Variants in POP4 observed in about 807,000 individuals in gnomAD.
The protein encoded by POP4 is ribonuclease P protein subunit p29.
POP4 carries 31 observed loss-of-function variants against 29.9 expected under a neutral mutation model. That is an observed-to-expected ratio of 1.04 (90% CI 0.78 to 1.40). POP4 has a LOEUF of 1.40. POP4 is among the 40% of genes most tolerant of loss of function. The pLI is 0.00. For synonymous variants in POP4, 110 were observed against 108.2 expected, an observed-to-expected ratio of 1.02 and a Z score of -0.10; for missense variants, 286 against 282.7, an observed-to-expected ratio of 1.01 and a Z score of -0.08.
chr19:29,609,109 G>T, intron 2 of POP4: 1 of 161,478 alleles, frequency 6.2e-6, no homozygotes, highest in South Asian at 1.8e-4. Flanking sequence ...TGCTTTGTCA[G>T]TTTTGCAAAA....
At chr19:29,607,262 C>A (rs1383427006) in intron 1 of POP4, among the ~76,000 whole-genome samples, 3 of 139,246 alleles carry the variant, frequency 2.2e-5, no homozygotes, top group South Asian at 2.4e-4. Context: ...CATAGCGAGA[C>A]CCTGTCTCTA....
In POP4 at chr19:29,608,750, G is replaced by A. The variant is rs1006045240; in HGVS notation, c.60+41G>A. ...GGAGTCCAGGAGCAACAGAGGTGAT[G>A]GCAAAGATGGCTCAGTAGCTTCTGA... On this transcript the variant is annotated intron_variant, in intron 2 of 6. Coordinates refer to ENST00000585603, the MANE Select transcript of POP4 (RefSeq NM_006627.3). 6.4e-6 allele frequency: 10 copies of A among 1,574,142 alleles called. No homozygotes were observed. The African/African-American group carries it at 8.1e-5, about 13-fold the overall frequency.
intron 6 of POP4, among the ~76,000 whole-genome samples, chr19:29,614,772 G>A (rs1266900816): frequency 6.6e-6 from 1 of 152,156 alleles, no homozygotes; most frequent in Non-Finnish European, 1.5e-5. Flanking sequence ...CTAAAGTGCT[G>A]GGATTATAGG....
rs917603286 is a variant in POP4 at position 29,611,729 on chromosome 19, G to A, written c.285-133G>A. On this transcript the variant is annotated intron_variant, in intron 3 of 6. Coordinates refer to ENST00000585603, the MANE Select transcript of POP4 (RefSeq NM_006627.3). ...TCGGTTATCAGCTCAATTGCTCATC[G>A]TCGGATTTGCACATAGTTCCTAATG... 23 of 720,880 alleles carry A rather than the reference G, an allele frequency of 3.2e-5. No homozygotes were observed. In the South Asian group the frequency reaches 3.3e-4, roughly 10 times the overall value. 44.7% of individuals were successfully genotyped at this position (720,880 alleles called of 1,614,324 possible). A position where few individuals can be genotyped will look rare whatever the true frequency, so the allele number is the denominator to read the frequency against.
rs944567793 is a variant in POP4 at position 29,616,206 on chromosome 19, T to C, written c.*826T>C. ...ACGCCCTTTGATATCTTCGCCATTT[T>C]TGCTGCTGAAAGACTTGGCTTTTCA... On this transcript the variant is annotated 3_prime_UTR_variant, in exon 7 of 7. Transcript: ENST00000585603. 1 of 152,244 alleles carries C rather than the reference T, an allele frequency of 6.6e-6. No individual in the cohort carries two copies. The highest frequency in any genetic ancestry group is 6.5e-5 in the Admixed American group (1 of 15,284). The allele number at this position is 152,244 out of a possible 1,614,324, so 9.4% of individuals were successfully genotyped here. A position where few individuals can be genotyped will look rare whatever the true frequency, so the allele number is the denominator to read the frequency against.
At chr19:29,610,974 G>A (rs550278307) in intron 3 of POP4, 124 of 252,136 alleles carry the variant, frequency 4.9e-4, no homozygotes, top group Non-Finnish European at 8.3e-4. Context: ...TTTTGATAGA[G>A]CCAGACAGTC....
At chr19:29,612,247 G>A in intron 5 of POP4, 69 bp downstream of exon 5, 1 of 1,407,832 alleles carries the variant, frequency 7.1e-7, no homozygotes, top group Non-Finnish European at 9.7e-7. Flanking sequence ...TGGAGACCCA[G>A]GGCGTGTGTT....
rs753589513 is a variant in POP4 at position 29,614,503 on chromosome 19, A to ATTTT, written c.526+533_526+536dup. On this transcript the variant is annotated intron_variant, in intron 6 of 6. Coordinates refer to ENST00000585603, the MANE Select transcript of POP4 (RefSeq NM_006627.3). Reference sequence around the variant, plus strand: ...ATAGTTAGAAGGTTTTGTTCCTTTAATTTTTCTTTTTTTTTTTTTTGGAGA... The same window carrying ATTTT: ...ATAGTTAGAAGGTTTTGTTCCTTTAATTTTTTTTTCTTTTTTTTTTTTTTGGAGA... Among the ~76,000 whole-genome samples, 3 of 83,616 alleles carry ATTTT rather than the reference A, an allele frequency of 3.6e-5. 1 individual carries two copies. The highest frequency in any genetic ancestry group is 4.9e-5 in the African/African-American group (1 of 20,244). 54.9% of individuals were successfully genotyped at this position (83,616 alleles called of 152,430 possible). A position where few individuals can be genotyped will look rare whatever the true frequency, so the allele number is the denominator to read the frequency against.
At chr19:29,611,815 C>A in intron 3 of POP4, 47 bp from the exon 4 acceptor site, 1 of 1,511,410 alleles carries the variant, frequency 6.6e-7, no homozygotes, top group Admixed American at 1.7e-5. Context: ...ATTGTCATCC[C>A]AAGCTCATGT....
intron 6 of POP4, among the ~76,000 whole-genome samples, chr19:29,614,181 C>T (rs1020401942): frequency 3.3e-5 from 5 of 152,216 alleles, no homozygotes; most frequent in Admixed American, 6.5e-5. Context: ...CCTGCAACCC[C>T]GGCCAGAAAT....
intron 5 of POP4, 132 bp downstream of exon 5, chr19:29,612,310 C>T: frequency 1.2e-6 from 1 of 855,722 alleles, no homozygotes; most frequent in African/African-American, 1.7e-5. Flanking sequence ...CCCCAGTCAC[C>T]ATCATCCCCA....
In POP4 at chr19:29,608,971, C is replaced by A. The variant is rs116039311; in HGVS notation, c.60+262C>A. ...TTATCATTTCCCACTGTGTTGGGGA[C>A]ACCAGGCTGTGCCCACGTGGTGGGC... On this transcript the variant is annotated intron_variant, in intron 2 of 6. Coordinates refer to ENST00000585603, the MANE Select transcript of POP4 (RefSeq NM_006627.3). 6.0e-3 allele frequency: 2,383 copies of A among 397,218 alleles called. 44 individuals carry two copies. Among genetic ancestry groups the A allele is most frequent in the African/African-American group, 0.042 (2,060 of 49,064 alleles). 24.6% of individuals were successfully genotyped at this position (397,218 alleles called of 1,614,324 possible).
At position 29,608,051 on chromosome 19, in the gene POP4, T is replaced by A. The variant is rs1287672522; in HGVS notation, c.8-606T>A. Among the ~76,000 whole-genome samples the A allele has an allele frequency of 3.3e-5, 5 of 152,100 alleles. 1 individual carries two copies. The highest frequency in any genetic ancestry group is 7.4e-5 in the Non-Finnish European group (5 of 68,022). On this transcript the variant is annotated intron_variant, in intron 1 of 6. Transcript: ENST00000585603. ...ACCAATAATCTGCATTTTAATAAGA[T>A]CCCAGAGATTTTTACACACGTTAAA... is the stretch of plus-strand genomic sequence containing the variant.
chr19:29,607,472 A>C (rs1397226089), intron 1 of POP4, among the ~76,000 whole-genome samples: 2 of 152,002 alleles, frequency 1.3e-5, no homozygotes, highest in Non-Finnish European at 2.9e-5. Context: ...AACAACAAAA[A>C]AAAAAAACTT....
chr19:29,615,557 G>A lies in POP4; in HGVS notation c.*177G>A. On this transcript the variant is annotated 3_prime_UTR_variant, in exon 7 of 7. Coordinates refer to ENST00000585603, the MANE Select transcript of POP4 (RefSeq NM_006627.3). ...GGAAGGTCGCAGCGTACTAAGTGAA[G>A]AAGTCAGAGGACAGAGGAATTTCTC... 1.8e-6 allele frequency: 1 copy of A among 568,080 alleles called. No homozygotes were observed. The highest frequency in any genetic ancestry group is 2.9e-6 in the Non-Finnish European group (1 of 344,040). The allele number at this position is 568,080 out of a possible 1,614,324, so 35.2% of individuals were successfully genotyped here.
chr19:29,612,643 A>C (rs762690839), intron 5 of POP4, among the ~76,000 whole-genome samples: 2 of 152,170 alleles, frequency 1.3e-5, no homozygotes, highest in Non-Finnish European at 2.9e-5. Flanking sequence ...GGGGCATCTC[A>C]GACTTTACAT....
At position 29,611,940 on chromosome 19, in the gene POP4, G is replaced by GT; in HGVS notation, c.362+2dup. ...TGTGCAGTGGGCTCAAGCCAGACAC[G>GT]TAAGTTGCATTCCTGAAGCTTTGCT... On this transcript the variant is annotated splice_donor_variant, in intron 4 of 6. Coordinates refer to ENST00000585603, the MANE Select transcript of POP4 (RefSeq NM_006627.3). LOFTEE classifies it high-confidence loss of function. 2.5e-6 allele frequency: 4 copies of GT among 1,613,490 alleles called. No individual in the cohort carries two copies. The highest frequency in any genetic ancestry group is 3.4e-6 in the Non-Finnish European group (4 of 1,179,382).
rs990913072 is a variant in POP4 at position 29,616,566 on chromosome 19, G to A, written c.*1186G>A. 2.0e-5 allele frequency: 3 copies of A among 152,476 alleles called. No individual in the cohort carries two copies. The highest frequency in any genetic ancestry group is 7.2e-5 in the African/African-American group (3 of 41,468). 9.4% of individuals were successfully genotyped at this position (152,476 alleles called of 1,614,324 possible). On this transcript the variant is annotated 3_prime_UTR_variant, in exon 7 of 7. Transcript: ENST00000585603. ...CAGAGAGAAACACCGTAGTGGAGAA[G>A]GGAAGTGGGAGCGCTGACTGCTGTG...
chr19:29,610,644 TC>T lies in POP4; in HGVS notation c.284+16del. ...CCAGAGCAGCAGAGGTAACCCGAGC[TC>T]CCCACGTCTTTCTGCCCGCGGTGCT... On this transcript the variant is annotated intron_variant, in intron 3 of 6. Coordinates refer to ENST00000585603, the MANE Select transcript of POP4 (RefSeq NM_006627.3). 1 of 1,611,246 alleles carries T rather than the reference TC, an allele frequency of 6.2e-7. No homozygotes were observed. The highest frequency in any genetic ancestry group is 1.7e-5 in the Admixed American group (1 of 59,676).
Sources: allele counts gnomAD v4.1 joint callset (sites outside exome capture counted in the v4.1 genomes callset), GRCh38; gene constraint gnomAD v4.1.1; transcripts MANE v1.5; gene names NCBI Gene and HGNC (gene_info 2026-07-23, HGNC 2026-07-21).